The following PHF2 variants were observed in gnomAD, a reference collection of about 807,000 sequenced individuals.
PHF2 encodes lysine-specific demethylase PHF2.
A neutral mutation model predicts 120.5 loss-of-function variants in PHF2; 27 were observed. That is an observed-to-expected ratio of 0.22 (90% confidence interval 0.17 to 0.31). PHF2 has a LOEUF of 0.31. Ranked by LOEUF, PHF2 falls within the 10% of genes least tolerant of loss-of-function variation. The pLI is 1.00. For missense variants in PHF2, 1,024 were observed against 1,434.8 expected (o/e 0.71, Z 4.63); for synonymous variants, 568 against 592.5 (o/e 0.96, Z 0.60).
At chr9:93,628,489 A>G (rs1457920789) in intron 1 of PHF2, among the ~76,000 whole-genome samples, 2 of 152,076 alleles carry the variant, frequency 1.3e-5, no homozygotes, top group Non-Finnish European at 2.9e-5. Flanking sequence ...TCTCCATTTC[A>G]TCCAGGTTAT....
chr9:93,635,912 G>A (rs1826082187), intron 2 of PHF2, among the ~76,000 whole-genome samples: 1 of 152,148 alleles, frequency 6.6e-6, no homozygotes, highest in Admixed American at 6.5e-5. Flanking sequence ...GTGGGGATGT[G>A]CACCACCTGG....
intron 1 of PHF2, among the ~76,000 whole-genome samples, chr9:93,613,560 C>CTTTTT (rs201420565): frequency 7.7e-6 from 1 of 129,054 alleles, no homozygotes. Context: ...TTTTCTTTTT[C>CTTTTT]TTTTTTTTTT....
At chr9:93,631,744 C>T (rs1358097110) in intron 2 of PHF2, among the ~76,000 whole-genome samples, 1 of 151,978 alleles carries the variant, frequency 6.6e-6, no homozygotes, top group African/African-American at 2.4e-5. Flanking sequence ...GGGTTGGAGC[C>T]AGGATACCCC....
intron 1 of PHF2, among the ~76,000 whole-genome samples, chr9:93,606,631 T>C (rs1448294276): frequency 6.6e-6 from 1 of 152,258 alleles, no homozygotes; most frequent in Non-Finnish European, 1.5e-5. Flanking sequence ...GAAAATATTT[T>C]CTCCCAGTCT....
intron 1 of PHF2, among the ~76,000 whole-genome samples, chr9:93,613,045 C>CCT (rs1825663697): frequency 1.3e-5 from 2 of 152,222 alleles, no homozygotes; most frequent in African/African-American, 4.8e-5. Flanking sequence ...GGTCACAGAG[C>CCT]TTTAGCTGTC....
At chr9:93,643,105 G>A (rs576679939) in intron 3 of PHF2, among the ~76,000 whole-genome samples, 1 of 152,100 alleles carries the variant, frequency 6.6e-6, no homozygotes, top group South Asian at 2.1e-4. Flanking sequence ...GACCCTCTTG[G>A]TGGTTCACCT....
Position 93,655,955 on chromosome 9 carries a change from C to T in PHF2, c.974C>T (p.Thr325Ile). Reference protein sequence around the residue: ...IPSGWIYATLTPVDCLAFAGH... With the variant: ...IPSGWIYATLIPVDCLAFAGH... ...CCAGGCTGGATCTACGCCACACTCACCCCTGTGGACTGCCTGGCCTTCGCG... is the reference window on the plus strand; with the variant it reads ...CCAGGCTGGATCTACGCCACACTCATCCCTGTGGACTGCCTGGCCTTCGCG... The change falls in exon 8 of 22, where the codon ACC (threonine) becomes ATC (isoleucine). Residue 325 changes from threonine to isoleucine, a missense_variant. This residue lies in a region of PHF2 where 347 missense variants were observed against 577.4 expected (regional missense o/e 0.60). Coordinates refer to ENST00000359246, the MANE Select transcript of PHF2 (RefSeq NM_005392.4). 1 of 1,612,532 alleles carries T rather than the reference C, an allele frequency of 6.2e-7. No individual in the cohort carries two copies. Among genetic ancestry groups the T allele is most frequent in the Non-Finnish European group, 8.5e-7 (1 of 1,179,622 alleles).
chr9:93,578,860 A>C lies in PHF2; in HGVS notation c.98+1989A>C, dbSNP rs144932765. Among the ~76,000 whole-genome samples, 592 of 152,328 alleles carry C rather than the reference A, an allele frequency of 3.9e-3. 4 individuals carry two copies. The highest frequency in any genetic ancestry group is 0.014 in the African/African-American group (570 of 41,566). On this transcript the variant is annotated intron_variant, in intron 1 of 21. Transcript: ENST00000359246. ...TTTCTTATTTGAGGTCTCTGATTGA[A>C]TCCAATACAGGCAGTTGATCAGCAC...
In PHF2 at chr9:93,676,848, T is replaced by G. The variant is rs772477248; in HGVS notation, c.3087T>G (p.Ala1029=). The G allele has an allele frequency of 1.9e-5, 30 of 1,563,788 alleles. 1 individual carries two copies. The South Asian group carries it at 3.4e-4, about 18-fold the overall frequency. ...SSLADHEYTA[A]GTFTGAQAGR... ...TGGCGGACCATGAGTACACAGCCGC[T>G]GGCACCTTCACCGGGGCCCAGGCTG... is the stretch of plus-strand genomic sequence containing the variant. The change falls in exon 21 of 22, where the codon GCT becomes GCG. Residue 1029 remains alanine, a synonymous_variant. Transcript: ENST00000359246.
chr9:93,653,440 C>G (rs1826403053), intron 6 of PHF2, 75 bp downstream of exon 6: 3 of 1,495,342 alleles, frequency 2.0e-6, no homozygotes, highest in East Asian at 2.3e-5. Flanking sequence ...GCAGTCCCCA[C>G]AAGCCCTGAT....
intron 1 of PHF2, among the ~76,000 whole-genome samples, chr9:93,594,040 TGGG>T: frequency 1.3e-5 from 2 of 152,270 alleles, no homozygotes; most frequent in Middle Eastern, 3.4e-3. Context: ...TTATGGACTG[TGGG>T]TTTTATAGAC....
chr9:93,677,812 GCGTC>G lies in PHF2; in HGVS notation c.*137_*140del, dbSNP rs1826947858. On this transcript the variant is annotated 3_prime_UTR_variant, in exon 22 of 22. Coordinates refer to ENST00000359246, the MANE Select transcript of PHF2 (RefSeq NM_005392.4). The surrounding 1 kb of genome is among the most constrained non-coding windows in gnomAD (Gnocchi z 4.4). ...TTCCCGGCTGCCATCTCCCCAACAA[GCGTC>G]TGTCCCTTCAGCCGGCAGAGCGAGC... 1 of 649,960 alleles carries G rather than the reference GCGTC, an allele frequency of 1.5e-6. No individual in the cohort carries two copies. The highest frequency in any genetic ancestry group is 1.8e-5 in the African/African-American group (1 of 54,382). The allele number at this position is 649,960 out of a possible 1,614,324, so 40.3% of individuals were successfully genotyped here.
rs1157322051 is a variant in PHF2, at chr9:93,656,175, G to A, written c.1040+154G>A. On this transcript the variant is annotated intron_variant, in intron 8 of 21. Coordinates refer to ENST00000359246, the MANE Select transcript of PHF2 (RefSeq NM_005392.4). This position sits in a 1 kb window ranked among gnomAD's most constrained non-coding sequence, Gnocchi z 4.1. ...CAGCCTCGGTGGGCCTCTTTGTGAT[G>A]TGGAGGGAAGGAGGAGGTGGGCCCT... Among the ~76,000 whole-genome samples the A allele has an allele frequency of 1.3e-5, 2 of 152,132 alleles. No homozygotes were observed. Among genetic ancestry groups the A allele is most frequent in the African/African-American group, 4.8e-5 (2 of 41,416 alleles).
intron 1 of PHF2, among the ~76,000 whole-genome samples, chr9:93,607,340 C>T (rs1222703510): frequency 6.6e-6 from 1 of 151,234 alleles, no homozygotes; most frequent in African/African-American, 2.4e-5. Context: ...GGTGTGATCT[C>T]GGCTCACTGC....
chr9:93,626,776 C>T (rs1392250843), intron 1 of PHF2, among the ~76,000 whole-genome samples: 1 of 152,176 alleles, frequency 6.6e-6, no homozygotes, highest in Non-Finnish European at 1.5e-5. Flanking sequence ...GGTAGACATC[C>T]AACTTCATTC....
In PHF2 at chr9:93,675,761, C is replaced by T. The variant is rs761181154; in HGVS notation, c.2804C>T (p.Ala935Val). ...GTGGCTTCCATCGAGACCGGGCTGG[C>T]GGCTGCTGCAGCTAAGTTGTCCCAG... ...TRVASIETGL[A>V]AAAAKLSQQE... Residue 935 changes from alanine to valine, a missense_variant, in exon 20 of 22, where the codon GCG becomes GTG. Physicochemically the swap from Ala to Val is moderately conservative, Grantham distance 64 (BLOSUM62 0). Around this residue, in one of 2 missense-constraint regions of PHF2, gnomAD observed 677 missense variants for 857.4 expected, o/e 0.79. Coordinates refer to ENST00000359246, the MANE Select transcript of PHF2 (RefSeq NM_005392.4). The T allele has an allele frequency of 2.2e-5, 35 of 1,611,536 alleles. No homozygotes were observed. The Admixed American group carries it at 2.7e-4, about 12-fold the overall frequency.
At chr9:93,634,213 A>T (rs964323072) in intron 2 of PHF2, among the ~76,000 whole-genome samples, 4 of 151,872 alleles carry the variant, frequency 2.6e-5, no homozygotes, top group African/African-American at 9.7e-5. Flanking sequence ...TGAACTCTGG[A>T]GCCCCTTGCT....
rs984555246 is a variant in PHF2, at chr9:93,677,837, C to T, written c.*161C>T. ...GCGTCTGTCCCTTCAGCCGGCAGAGCGAGCCCAGCGTGGCCCCTCAATTTG... is the reference window on the plus strand; with the variant it reads ...GCGTCTGTCCCTTCAGCCGGCAGAGTGAGCCCAGCGTGGCCCCTCAATTTG... On this transcript the variant is annotated 3_prime_UTR_variant, in exon 22 of 22. Transcript: ENST00000359246. The surrounding 1 kb of genome is among the most constrained non-coding windows in gnomAD (Gnocchi z 4.4). 1.7e-5 allele frequency: 10 copies of T among 605,704 alleles called. No individual in the cohort carries two copies. Among genetic ancestry groups the T allele is most frequent in the African/African-American group, 3.7e-5 (2 of 53,620 alleles). 37.5% of individuals were successfully genotyped at this position (605,704 alleles called of 1,614,324 possible). A position where few individuals can be genotyped will look rare whatever the true frequency, so the allele number is the denominator to read the frequency against.
chr9:93,577,870 C>T (rs1442292331), intron 1 of PHF2, among the ~76,000 whole-genome samples: 1 of 152,184 alleles, frequency 6.6e-6, no homozygotes, highest in African/African-American at 2.4e-5. Flanking sequence ...ACTGCTCCAA[C>T]AGGTTCTCTT....
Sources: allele counts gnomAD v4.1 joint callset (sites outside exome capture counted in the v4.1 genomes callset), GRCh38; gene constraint gnomAD v4.1.1; regional missense constraint gnomAD v4.1.1; non-coding constraint Gnocchi (gnomAD v3.1); transcripts MANE v1.5; gene names NCBI Gene and HGNC (gene_info 2026-07-23, HGNC 2026-07-21).